The following SASH1 variants were observed in gnomAD, a reference collection of about 807,000 sequenced individuals.
SASH1 encodes the protein SAM and SH3 domain containing 1, also known as SAM and SH3 domain-containing protein 1.
SASH1 carries 44 observed loss-of-function variants against 125.2 expected under a neutral mutation model. The observed-to-expected ratio is 0.35, with a 90% CI of 0.28 to 0.45. The LOEUF (loss-of-function observed/expected upper bound fraction) is 0.45, where lower values mean the gene tolerates loss of function less well. Among genes scored for constraint, SASH1 ranks in the 20% least tolerant of loss-of-function variants. The pLI, the probability that SASH1 is intolerant of heterozygous loss-of-function variation, is 1.00. For synonymous variants in SASH1, 639 were observed against 649.1 expected (o/e 0.98, Z 0.24); for missense variants, 1,426 against 1,614.5 (o/e 0.88, Z 2.00).
intron 7 of SASH1, among the ~76,000 whole-genome samples, chr6:148,486,319 T>G (rs56068520): frequency 0.17 from 26,387 of 151,954 alleles, 2,738 homozygotes; most frequent in African/African-American, 0.29. Context: ...TGGGGTTTCA[T>G]CATCTTGGCC....
At chr6:148,194,145 A>C in the SASH1 span, among the ~76,000 whole-genome samples, 1 of 152,224 alleles carries the variant, frequency 6.6e-6, no homozygotes, top group Non-Finnish European at 1.5e-5. Flanking sequence ...TTATGTGACC[A>C]AGAACTGCTG....
chr6:148,242,180 G>A, the SASH1 span, among the ~76,000 whole-genome samples: 2 of 152,194 alleles, frequency 1.3e-5, no homozygotes, highest in African/African-American at 4.8e-5. Context: ...AAATGGTGAG[G>A]ACTTGACTAG....
At chr6:148,324,153 A>G (rs1780735899) in intron 1 of SASH1, among the ~76,000 whole-genome samples, 1 of 148,778 alleles carries the variant, frequency 6.7e-6, no homozygotes, top group East Asian at 2.0e-4. Context: ...TAAGTGAGGT[A>G]TAACTCAAGA....
chr6:148,356,165 G>GT (rs1781930366), intron 1 of SASH1, among the ~76,000 whole-genome samples: 1 of 150,646 alleles, frequency 6.6e-6, no homozygotes, highest in Admixed American at 6.7e-5. Context: ...GCTCACTGCA[G>GT]CTTCTGCCTC....
intron 7 of SASH1, among the ~76,000 whole-genome samples, chr6:148,477,362 A>T (rs768584282): frequency 2.0e-5 from 3 of 152,226 alleles, no homozygotes; most frequent in Non-Finnish European, 4.4e-5. Context: ...AAACAACTCA[A>T]TAGGAAAAAA....
chr6:148,346,922 A>AC (rs1426868448), intron 1 of SASH1, among the ~76,000 whole-genome samples: 1 of 152,118 alleles, frequency 6.6e-6, no homozygotes, highest in East Asian at 1.9e-4. Flanking sequence ...AAAGCATGTC[A>AC]CTTCTCCCTG....
chr6:148,509,075 G>T (rs1354341049), intron 8 of SASH1, among the ~76,000 whole-genome samples: 2 of 152,102 alleles, frequency 1.3e-5, no homozygotes, highest in African/African-American at 4.8e-5. Flanking sequence ...CAGTGAAAAT[G>T]CGTAACTTTT....
intron 1 of SASH1, among the ~76,000 whole-genome samples, chr6:148,387,592 CTTTCTTTCTTTCT>C (rs1783461317): frequency 1.2e-4 from 1 of 8,576 alleles, no homozygotes; most frequent in African/African-American, 6.4e-4. Context: ...TTCTTTCTTT[CTTTCTTTCTTTCT>C]TTCTTTCTTT....
rs557376604 is a variant in SASH1 at position 148,487,525 on chromosome 6, G to GA, written c.628-88dup. The GA allele has an allele frequency of 9.6e-4, 864 of 899,706 alleles. 2 individuals carry two copies. Among genetic ancestry groups the GA allele is most frequent in the Non-Finnish European group, 1.0e-3 (593 of 564,884 alleles). The allele number at this position is 899,706 out of a possible 1,614,324, so 55.7% of individuals were successfully genotyped here. On this transcript the variant is annotated intron_variant, in intron 7 of 19. Coordinates refer to ENST00000367467, the MANE Select transcript of SASH1 (RefSeq NM_015278.5). ...CACAAGATTATGAACCAGGAACCTAGATGTATTATTTGAGTCATTTCCCTG... is the reference window on the plus strand; with the variant it reads ...CACAAGATTATGAACCAGGAACCTAGAATGTATTATTTGAGTCATTTCCCTG...
chr6:148,330,163 T>A (rs372730417), intron 1 of SASH1, among the ~76,000 whole-genome samples: 13 of 152,344 alleles, frequency 8.5e-5, no homozygotes, highest in Middle Eastern at 3.4e-3. Flanking sequence ...CTGCCTTTTT[T>A]AAAAATACTC....
chr6:148,482,182 G>A (rs1251262067), intron 7 of SASH1, among the ~76,000 whole-genome samples: 1 of 152,178 alleles, frequency 6.6e-6, no homozygotes, highest in Non-Finnish European at 1.5e-5. Flanking sequence ...AAAAAGAATA[G>A]TAGTAAATGT....
At chr6:148,245,258 A>G in the SASH1 span, among the ~76,000 whole-genome samples, 2 of 152,202 alleles carry the variant, frequency 1.3e-5, no homozygotes, top group Admixed American at 6.5e-5. Context: ...ATACGGTTCT[A>G]TCAAGGAAGA....
rs1781404732 is a variant in SASH1, at chr6:148,529,809, T to G, written c.1429-1717T>G. Among the ~76,000 whole-genome samples the G allele has an allele frequency of 7.1e-6, 1 of 141,430 alleles. No homozygotes were observed. The highest frequency in any genetic ancestry group is 1.6e-5 in the Non-Finnish European group (1 of 64,326). 92.8% of individuals were successfully genotyped at this position (141,430 alleles called of 152,430 possible). A position where few individuals can be genotyped will look rare whatever the true frequency, so the allele number is the denominator to read the frequency against. ...GTTTTATGTGGTTGTTTTTTTTTTG[T>G]TTTTGTTTTTGTTTTGAGACGGAGT... is the stretch of plus-strand genomic sequence containing the variant. On this transcript the variant is annotated intron_variant, in intron 12 of 19. Coordinates refer to ENST00000367467, the MANE Select transcript of SASH1 (RefSeq NM_015278.5). This position sits in a 1 kb window ranked among gnomAD's most constrained non-coding sequence, Gnocchi z 4.2.
chr6:148,539,983 T>C (rs1782118906), intron 16 of SASH1, among the ~76,000 whole-genome samples: 1 of 152,140 alleles, frequency 6.6e-6, no homozygotes, highest in African/African-American at 2.4e-5. Context: ...ATTTGGAAAG[T>C]TGGCAACATA....
At chr6:148,492,775 C>G (rs1779159622) in intron 8 of SASH1, among the ~76,000 whole-genome samples, 1 of 151,766 alleles carries the variant, frequency 6.6e-6, no homozygotes. Context: ...GAGCCAAGAT[C>G]ACAGGACTGC....
Position 148,543,917 on chromosome 6 carries a change from T to G in SASH1, c.2447T>G (p.Val816Gly). 6.2e-7 allele frequency: 1 copy of G among 1,614,178 alleles called. No homozygotes were observed. The highest frequency in any genetic ancestry group is 8.5e-7 in the Non-Finnish European group (1 of 1,180,036). The change falls in exon 18 of 20, where the codon GTT becomes GGT. Residue 816 changes from valine to glycine, a missense_variant. Transcript: ENST00000367467. ...GLNKNRRSLP[V>G]SICRSCETLE... The stretch of plus-strand genomic sequence containing the variant: ...AATAAAAACCGAAGAAGCCTCCCAG[T>G]TTCCATCTGCCGGAGCTGTGAGACC...
intron 8 of SASH1, among the ~76,000 whole-genome samples, chr6:148,507,304 G>T (rs1230979571): frequency 6.6e-6 from 1 of 152,130 alleles, no homozygotes; most frequent in Non-Finnish European, 1.5e-5. Context: ...AACCCGCAAT[G>T]TGTGCGTGGT....
the SASH1 span, among the ~76,000 whole-genome samples, chr6:148,227,785 A>G: frequency 7.9e-4 from 121 of 152,320 alleles, 1 homozygote; most frequent in East Asian, 0.021. Context: ...TTGTACACAC[A>G]TGGTTCCATT....
At chr6:148,541,257 G>A (rs1782200565) in intron 17 of SASH1, among the ~76,000 whole-genome samples, 1 of 151,112 alleles carries the variant, frequency 6.6e-6, no homozygotes, top group South Asian at 2.1e-4. Context: ...AGGTTTGATA[G>A]CTTTTAGCAG....
Sources: allele counts gnomAD v4.1 joint callset (sites outside exome capture counted in the v4.1 genomes callset), GRCh38; gene constraint gnomAD v4.1.1; non-coding constraint Gnocchi (gnomAD v3.1); transcripts MANE v1.5; gene names NCBI Gene and HGNC (gene_info 2026-07-23, HGNC 2026-07-21).